The following IQCM variants were observed in gnomAD, a reference collection of about 807,000 sequenced individuals.
The protein encoded by IQCM is IQ domain-containing protein M.
In IQCM, 45 loss-of-function variants were observed where a neutral mutation model predicts 57.6. The ratio of observed to expected loss-of-function variants is 0.78; its 90% CI spans 0.62 to 1.00. The LOEUF (loss-of-function observed/expected upper bound fraction) is 1.00, where lower values mean the gene tolerates loss of function less well. Ranked by LOEUF, IQCM falls within the 50% of genes least tolerant of loss-of-function variation. IQCM has a pLI of 0.00. For missense variants in IQCM, 468 were observed against 511.6 expected, an observed-to-expected ratio of 0.91 and a Z score of 0.82; for synonymous variants, 148 against 158.9, an observed-to-expected ratio of 0.93 and a Z score of 0.51.
chr4:149,528,813 G>A (rs527830750), intron 12 of IQCM, among the ~76,000 whole-genome samples: 3 of 152,218 alleles, frequency 2.0e-5, no homozygotes, highest in South Asian at 4.1e-4. Context: ...AGTGTACCTT[G>A]CACTATAGAA....
chr4:149,669,154 T>G (rs533067008), intron 7 of IQCM, among the ~76,000 whole-genome samples: 3 of 152,328 alleles, frequency 2.0e-5, no homozygotes, highest in Admixed American at 2.0e-4. Context: ...GTTTCCTGAC[T>G]TTTTCATGAT....
At chr4:149,563,382 A>G (rs1750313931) in intron 10 of IQCM, among the ~76,000 whole-genome samples, 2 of 152,136 alleles carry the variant, frequency 1.3e-5, no homozygotes, top group African/African-American at 4.8e-5. Flanking sequence ...CAGCCTAAAA[A>G]CTGTCATCAT....
intron 7 of IQCM, among the ~76,000 whole-genome samples, chr4:149,668,061 C>G (rs1034246215): frequency 3.2e-4 from 48 of 152,100 alleles, no homozygotes; most frequent in Admixed American, 7.9e-4. Context: ...CATTCAAAAT[C>G]AGGAAATACA....
At chr4:149,646,856 C>T (rs1272749302) in intron 7 of IQCM, among the ~76,000 whole-genome samples, 4 of 152,038 alleles carry the variant, frequency 2.6e-5, no homozygotes, top group South Asian at 2.1e-4. Context: ...TGGTGGCAGG[C>T]GCCTGTAATC....
At chr4:149,362,928 G>A (rs6831415) in intron 13 of IQCM, among the ~76,000 whole-genome samples, 17 of 152,194 alleles carry the variant, frequency 1.1e-4, no homozygotes, top group African/African-American at 3.9e-4. Context: ...GATAATGGCA[G>A]TTGGTAGAGT....
At chr4:149,729,771 T>C (rs1766294485) in intron 5 of IQCM, among the ~76,000 whole-genome samples, 1 of 152,196 alleles carries the variant, frequency 6.6e-6, no homozygotes. Context: ...CTCTCAATAA[T>C]GACTGCCATG....
At chr4:149,611,933 A>G (rs937384723) in intron 8 of IQCM, among the ~76,000 whole-genome samples, 1 of 151,224 alleles carries the variant, frequency 6.6e-6, no homozygotes, top group African/African-American at 2.4e-5. Context: ...GAAAATATAC[A>G]ACTATTACAT....
chr4:149,562,775 T>G (rs1266977554), intron 10 of IQCM, among the ~76,000 whole-genome samples: 1 of 152,190 alleles, frequency 6.6e-6, no homozygotes, highest in Non-Finnish European at 1.5e-5. Flanking sequence ...ACATATTAAT[T>G]TATACATGTT....
At chr4:149,424,127 T>A (rs1181960922) in intron 13 of IQCM, among the ~76,000 whole-genome samples, 4 of 152,032 alleles carry the variant, frequency 2.6e-5, no homozygotes, top group South Asian at 2.1e-4. Context: ...ATAAGTGGAA[T>A]GTTTCTCAAA....
rs368662726 is a variant in IQCM, at chr4:149,777,592, T to G, written c.-48-34853A>C. On this transcript the variant is annotated intron_variant, in intron 2 of 13. Transcript: ENST00000636793. ...TTTATTCCCTGACACCTTTCATCTA[T>G]TTTGCCTATAACAGGCATACGTGAC... Among the ~76,000 whole-genome samples, 188 of 152,320 alleles carry G rather than the reference T, an allele frequency of 1.2e-3. 1 individual carries two copies. The highest frequency in any genetic ancestry group is 4.3e-3 in the African/African-American group (180 of 41,566).
chr4:149,805,596 A>T (rs989709626), intron 2 of IQCM, among the ~76,000 whole-genome samples: 1 of 152,054 alleles, frequency 6.6e-6, no homozygotes, highest in Non-Finnish European at 1.5e-5. Flanking sequence ...TAAGGCTTTT[A>T]AAACAACTTT....
At chr4:149,358,645 T>C (rs1318479263) in intron 13 of IQCM, among the ~76,000 whole-genome samples, 4 of 152,086 alleles carry the variant, frequency 2.6e-5, no homozygotes, top group East Asian at 1.9e-4. Context: ...AAATCCTGGA[T>C]AATATATTAA....
Position 149,355,808 on chromosome 4 carries a change from G to A in IQCM, c.1391-3742C>T, listed in dbSNP as rs558456558. The stretch of plus-strand genomic sequence containing the variant: ...GGTATTTCTAGTTCTAGATCCCTGA[G>A]GAATTGCCACACTGACTTCCACAAT... On this transcript the variant is annotated intron_variant, in intron 13 of 13. Transcript: ENST00000636793. Among the ~76,000 whole-genome samples, 49 of 152,176 alleles carry A rather than the reference G, an allele frequency of 3.2e-4. 1 individual carries two copies. In the South Asian group the frequency reaches 1.0e-2, roughly 31 times the overall value.
At chr4:149,353,404 C>A (rs568902560) in intron 13 of IQCM, among the ~76,000 whole-genome samples, 53 of 152,216 alleles carry the variant, frequency 3.5e-4, no homozygotes, top group African/African-American at 1.3e-3. Flanking sequence ...AATAGAACTA[C>A]CCTAAGATCC....
intron 9 of IQCM, among the ~76,000 whole-genome samples, chr4:149,569,705 C>T (rs73859769): frequency 6.7e-4 from 102 of 152,192 alleles, no homozygotes; most frequent in African/African-American, 2.4e-3. Flanking sequence ...ACAGGTTTCT[C>T]AGTTTAGTTT....
At chr4:149,378,807 C>G (rs1411392239) in intron 13 of IQCM, among the ~76,000 whole-genome samples, 1 of 152,162 alleles carries the variant, frequency 6.6e-6, no homozygotes. Flanking sequence ...ATGTTAATCC[C>G]CAAGACACTA....
intron 13 of IQCM, among the ~76,000 whole-genome samples, chr4:149,371,178 C>T (rs1303696311): frequency 6.6e-5 from 10 of 152,066 alleles, no homozygotes; most frequent in Admixed American, 6.6e-4. Flanking sequence ...GGTAAATATG[C>T]TCAAAGTTGT....
At chr4:149,680,372 G>T (rs1012845418) in intron 7 of IQCM, among the ~76,000 whole-genome samples, 9 of 150,950 alleles carry the variant, frequency 6.0e-5, no homozygotes, top group African/African-American at 1.9e-4. Context: ...TGTTTATTTT[G>T]ATTGGTATCT....
intron 7 of IQCM, among the ~76,000 whole-genome samples, chr4:149,634,113 G>A (rs1441977958): frequency 4.6e-5 from 7 of 151,864 alleles, no homozygotes; most frequent in Non-Finnish European, 7.4e-5. Context: ...AGGTTCAAGC[G>A]ATTCTCCTGC....
Sources: allele counts gnomAD v4.1 joint callset (sites outside exome capture counted in the v4.1 genomes callset), GRCh38; gene constraint gnomAD v4.1.1; transcripts MANE v1.5; gene names NCBI Gene and HGNC (gene_info 2026-07-23, HGNC 2026-07-21).